The following SECISBP2L variants were observed in gnomAD, a reference collection of about 807,000 sequenced individuals.
The protein encoded by SECISBP2L is SECIS binding protein 2 like, also known as selenocysteine insertion sequence-binding protein 2-like.
Under a neutral mutation model 114.7 loss-of-function variants are expected in SECISBP2L, and 43 were observed. The ratio of observed to expected loss-of-function variants is 0.38; its 90% confidence interval spans 0.29 to 0.48. The LOEUF (loss-of-function observed/expected upper bound fraction) is 0.48, where lower values mean the gene tolerates loss of function less well. SECISBP2L is among the 20% of genes least tolerant of loss of function. The probability of loss-of-function intolerance (pLI) is 0.98; values close to 1 mark genes in which losing one functional copy is unlikely to be tolerated. For synonymous variants in SECISBP2L, 451 were observed against 439.7 expected, an observed-to-expected ratio of 1.03 and a Z score of -0.32; for missense variants, 1,136 against 1,301.1, an observed-to-expected ratio of 0.87 and a Z score of 1.95.
chr15:49,020,795 A>G (rs138244381), intron 7 of SECISBP2L, among the ~76,000 whole-genome samples: 118 of 152,248 alleles, frequency 7.8e-4, no homozygotes, highest in African/African-American at 2.7e-3. Context: ...GGCATGATTC[A>G]CCGTGCCCAG....
intron 16 of SECISBP2L, among the ~76,000 whole-genome samples, chr15:48,997,231 G>T (rs1328561706): frequency 1.3e-5 from 2 of 152,206 alleles, no homozygotes; most frequent in South Asian, 2.1e-4. Context: ...TTTTATCTGG[G>T]TTAGAATATA....
rs545955169 is a variant in SECISBP2L at position 49,018,324 on chromosome 15, T to G, written c.1171-696A>C. On this transcript the variant is annotated intron_variant, in intron 8 of 17. Transcript: ENST00000559471. ...CAGGATAGAGTGCAATGGCACAATC[T>G]CGGCTCACTGCAACCTCCACCTCCT... Among the ~76,000 whole-genome samples the G allele has an allele frequency of 7.3e-5, 11 of 151,414 alleles. 2 individuals carry two copies. Among genetic ancestry groups the G allele is most frequent in the Admixed American group, 6.6e-4 (10 of 15,162 alleles).
chr15:49,017,902 G>T, intron 8 of SECISBP2L: 1 of 260,138 alleles, frequency 3.8e-6, no homozygotes, highest in Non-Finnish European at 7.2e-6. Context: ...CAGATGGGTG[G>T]GTAATTGAAA....
intron 1 of SECISBP2L, among the ~76,000 whole-genome samples, chr15:49,038,572 C>G (rs1903059606): frequency 6.6e-6 from 1 of 152,110 alleles, no homozygotes; most frequent in South Asian, 2.1e-4. Context: ...ATCTGGAGAG[C>G]TTCCAGGGTG....
chr15:49,000,949 T>G lies in SECISBP2L; in HGVS notation c.2176A>C (p.Thr726Pro). Residue 726 changes from threonine to proline, a missense_variant, in exon 15 of 18, where the codon ACC (threonine) becomes CCC (proline). By Grantham distance (38) the Thr-to-Pro change is conservative (BLOSUM62 -1). Around this residue, in one of 2 missense-constraint regions of SECISBP2L, gnomAD observed 684 missense variants for 848.7 expected, o/e 0.81. Coordinates refer to ENST00000559471, the MANE Select transcript of SECISBP2L (RefSeq NM_001193489.2). ...ATCTTGTTTAACTTCATATGTTTGG[T>G]AACTTCTCTTAGACCCATAACGAGT... ...RRLVMGLREV[T>P]KHMKLNKIKC... 5 of 1,613,862 alleles carry G rather than the reference T, an allele frequency of 3.1e-6. No individual in the cohort carries two copies. The highest frequency in any genetic ancestry group is 4.2e-6 in the Non-Finnish European group (5 of 1,179,872).
intron 16 of SECISBP2L, among the ~76,000 whole-genome samples, chr15:48,997,621 G>A (rs2141060099): frequency 6.6e-6 from 1 of 152,340 alleles, no homozygotes; most frequent in South Asian, 2.1e-4. Context: ...GCTCATGCCT[G>A]TAATCCCACC....
chr15:49,024,009 C>A (rs1190195539), intron 7 of SECISBP2L, among the ~76,000 whole-genome samples: 1 of 152,038 alleles, frequency 6.6e-6, no homozygotes, highest in African/African-American at 2.4e-5. Flanking sequence ...TAAAATAAAG[C>A]CGTTTTAAAA....
chr15:49,015,188 AC>A (rs1378007638), intron 11 of SECISBP2L, among the ~76,000 whole-genome samples: 1 of 152,156 alleles, frequency 6.6e-6, no homozygotes, highest in African/African-American at 2.4e-5. Context: ...CAGGATTCAA[AC>A]AAAGGCAACT....
chr15:49,035,204 C>A, intron 3 of SECISBP2L, 130 bp downstream of exon 3: 1 of 747,424 alleles, frequency 1.3e-6, no homozygotes, highest in South Asian at 2.0e-5. Flanking sequence ...TACCCTTTAC[C>A]ATTTTACAAT....
intron 4 of SECISBP2L, among the ~76,000 whole-genome samples, chr15:49,029,804 C>T (rs1902845789): frequency 6.6e-6 from 1 of 152,092 alleles, no homozygotes; most frequent in South Asian, 2.1e-4. Flanking sequence ...AAATACTTTA[C>T]ATTATCATCC....
intron 2 of SECISBP2L, 49 bp from the exon 3 acceptor site, chr15:49,035,707 T>TA: frequency 6.6e-7 from 1 of 1,520,508 alleles, no homozygotes. Context: ...AGTCTAAAAA[T>TA]ACCACTAAAG....
chr15:49,027,145 T>C (rs1902760401), intron 7 of SECISBP2L, among the ~76,000 whole-genome samples: 1 of 152,312 alleles, frequency 6.6e-6, no homozygotes, highest in East Asian at 1.9e-4. Flanking sequence ...TATTTAAATA[T>C]ACAGAAATGT....
intron 7 of SECISBP2L, among the ~76,000 whole-genome samples, chr15:49,023,027 C>CAAAAAA (rs34101036): frequency 1.4e-5 from 2 of 146,230 alleles, no homozygotes; most frequent in African/African-American, 2.5e-5. Context: ...TAGAAGCCAT[C>CAAAAAA]AAAAAAAAAA....
intron 17 of SECISBP2L, among the ~76,000 whole-genome samples, chr15:48,994,590 T>C (rs1236838849): frequency 2.0e-5 from 3 of 152,162 alleles, no homozygotes; most frequent in African/African-American, 7.2e-5. Flanking sequence ...CTGTACTCTT[T>C]CTGCAGATGT....
At chr15:49,031,041 T>C (rs970816342) in intron 4 of SECISBP2L, among the ~76,000 whole-genome samples, 14 of 120,222 alleles carry the variant, frequency 1.2e-4, no homozygotes, top group South Asian at 6.3e-4. Context: ...CATTTTCTTT[T>C]TTTTTTTTTT....
At chr15:49,039,292 G>C (rs1031609292) in intron 1 of SECISBP2L, among the ~76,000 whole-genome samples, 16 of 152,040 alleles carry the variant, frequency 1.1e-4, no homozygotes, top group Non-Finnish European at 1.8e-4. Context: ...ATACAAGCTA[G>C]TAATTTTCAC....
chr15:49,013,390 G>A (rs562739053), intron 11 of SECISBP2L, among the ~76,000 whole-genome samples: 9 of 152,082 alleles, frequency 5.9e-5, no homozygotes, highest in Admixed American at 6.6e-5. Context: ...TCCACCTCCT[G>A]GGTTCAAGCA....
intron 11 of SECISBP2L, among the ~76,000 whole-genome samples, chr15:49,014,798 T>C: frequency 9.4e-6 from 1 of 106,498 alleles, no homozygotes; most frequent in South Asian, 2.8e-4. Flanking sequence ...ATTTAGCAAC[T>C]GCTAAATGTT....
At chr15:49,037,451 A>T in intron 2 of SECISBP2L, 140 bp downstream of exon 2, 1 of 728,288 alleles carries the variant, frequency 1.4e-6, no homozygotes. Context: ...AACAATTTCC[A>T]AATTTCAGTA....
Sources: allele counts gnomAD v4.1 joint callset (sites outside exome capture counted in the v4.1 genomes callset), GRCh38; gene constraint gnomAD v4.1.1; regional missense constraint gnomAD v4.1.1; transcripts MANE v1.5; gene names NCBI Gene and HGNC (gene_info 2026-07-23, HGNC 2026-07-21).